The following IQUB variants were observed in gnomAD, a reference collection of about 807,000 sequenced individuals.
IQUB encodes IQ motif and ubiquitin-like domain-containing protein.
IQUB carries 86 observed loss-of-function variants against 86.4 expected under a neutral mutation model. That is an observed-to-expected ratio of 1.00 (90% CI 0.84 to 1.19). The LOEUF (loss-of-function observed/expected upper bound fraction) is 1.19. Among genes scored for constraint, IQUB ranks in the 50% most tolerant of loss-of-function variants. The pLI, the probability that IQUB is intolerant of heterozygous loss-of-function variation, is 0.00. For missense variants in IQUB, 946 were observed against 916.9 expected, an observed-to-expected ratio of 1.03 and a Z score of -0.41; for synonymous variants, 289 against 304.5, an observed-to-expected ratio of 0.95 and a Z score of 0.53.
At chr7:123,477,689 C>T (rs1487251425) in intron 8 of IQUB, among the ~76,000 whole-genome samples, 3 of 151,514 alleles carry the variant, frequency 2.0e-5, no homozygotes, top group Admixed American at 6.6e-5. Flanking sequence ...TGCAATCTAC[C>T]CATCTGACAA....
At chr7:123,509,426 C>T (rs1305599729) in intron 3 of IQUB, among the ~76,000 whole-genome samples, 1 of 152,122 alleles carries the variant, frequency 6.6e-6, no homozygotes, top group Non-Finnish European at 1.5e-5. Flanking sequence ...ATCTCATCTC[C>T]TCCCGCTACC....
chr7:123,500,578 G>C (rs529182870), intron 6 of IQUB, among the ~76,000 whole-genome samples: 7 of 151,938 alleles, frequency 4.6e-5, no homozygotes, highest in African/African-American at 1.7e-4. Context: ...CATGACCCAA[G>C]TAGAAAGGAA....
chr7:123,488,164 T>G (rs1397398027), intron 7 of IQUB, among the ~76,000 whole-genome samples: 1 of 151,544 alleles, frequency 6.6e-6, no homozygotes, highest in Admixed American at 6.6e-5. Context: ...AAACCCCGTC[T>G]CTACTAAAAA....
chr7:123,468,677 C>T (rs1365888084), intron 9 of IQUB, among the ~76,000 whole-genome samples: 4 of 152,152 alleles, frequency 2.6e-5, no homozygotes, highest in Non-Finnish European at 5.9e-5. Flanking sequence ...TCTATCCTCC[C>T]GATTCTGATT....
intron 6 of IQUB, among the ~76,000 whole-genome samples, chr7:123,500,292 C>T (rs1248703429): frequency 6.6e-6 from 1 of 151,882 alleles, no homozygotes; most frequent in South Asian, 2.1e-4. Flanking sequence ...GGGTCTGGAT[C>T]GGGACCACTT....
chr7:123,485,982 C>A (rs961165722), intron 7 of IQUB, among the ~76,000 whole-genome samples: 1 of 152,066 alleles, frequency 6.6e-6, no homozygotes, highest in South Asian at 2.1e-4. Flanking sequence ...GAAGGATATT[C>A]CAGATGACAA....
intron 9 of IQUB, among the ~76,000 whole-genome samples, chr7:123,465,357 G>T (rs1439153191): frequency 1.3e-5 from 2 of 151,850 alleles, no homozygotes; most frequent in Non-Finnish European, 2.9e-5. Context: ...GTAAAACTAT[G>T]AAGAAAAATC....
chr7:123,460,972 GTT>G (rs80160200), intron 11 of IQUB, among the ~76,000 whole-genome samples: 7 of 136,474 alleles, frequency 5.1e-5, no homozygotes, highest in Admixed American at 7.4e-5. Context: ...TTTCCCTAAG[GTT>G]TTTTTTTTTT....
chr7:123,505,616 G>A (rs1332715154), intron 3 of IQUB, among the ~76,000 whole-genome samples: 1 of 152,212 alleles, frequency 6.6e-6, no homozygotes, highest in African/African-American at 2.4e-5. Flanking sequence ...GCCAGAGCAG[G>A]AGCTGGAGTA....
chr7:123,488,021 A>G (rs1403712981), intron 7 of IQUB, among the ~76,000 whole-genome samples: 2 of 152,158 alleles, frequency 1.3e-5, no homozygotes, highest in Non-Finnish European at 2.9e-5. Flanking sequence ...AATTTCTATT[A>G]TTAAACACGT....
At chr7:123,513,784 G>A (rs1796530894) in intron 1 of IQUB, among the ~76,000 whole-genome samples, 2 of 152,238 alleles carry the variant, frequency 1.3e-5, no homozygotes, top group East Asian at 3.9e-4. Flanking sequence ...GAGTCACTGG[G>A]TCTACAGGTA....
intron 8 of IQUB, among the ~76,000 whole-genome samples, chr7:123,470,896 G>T (rs1360710579): frequency 6.6e-6 from 1 of 151,570 alleles, no homozygotes; most frequent in East Asian, 1.9e-4. Context: ...GTATCAGGAG[G>T]GAATTTTAGT....
At chr7:123,517,061 G>A (rs1267363299) in intron 1 of IQUB, among the ~76,000 whole-genome samples, 2 of 152,090 alleles carry the variant, frequency 1.3e-5, no homozygotes, top group African/African-American at 4.8e-5. Flanking sequence ...GAACAATGTG[G>A]AATGCCCAAT....
chr7:123,458,682 A>C (rs949984239), intron 11 of IQUB, among the ~76,000 whole-genome samples: 2 of 152,032 alleles, frequency 1.3e-5, no homozygotes, highest in Non-Finnish European at 2.9e-5. Context: ...TGTATCATAC[A>C]GAATAACGTG....
At chr7:123,458,969 A>G (rs1376915820) in intron 11 of IQUB, among the ~76,000 whole-genome samples, 1 of 151,996 alleles carries the variant, frequency 6.6e-6, no homozygotes, top group African/African-American at 2.4e-5. Flanking sequence ...ACATATGCTA[A>G]TCTTTGCTGT....
rs1216856851 is a variant in IQUB, at chr7:123,496,807, G to A, written c.1123C>T (p.Gln375Ter). The A allele has an allele frequency of 5.6e-6, 9 of 1,611,808 alleles. No individual in the cohort carries two copies. Among genetic ancestry groups the A allele is most frequent in the African/African-American group, 1.3e-5 (1 of 74,802 alleles). Residue 375 changes from glutamine (Q) to a stop codon, truncating the protein, a stop_gained, in exon 7 of 13, where the codon CAA becomes TAA. Transcript: ENST00000324698. LOFTEE classifies it high-confidence loss of function. ...KSLRLEWETQ[Q>*]ELRKIREKEE... The stretch of plus-strand genomic sequence containing the variant: ...TTTTCTCTTATCTTCCTTAGTTCTT[G>A]CTGTGTTTCCCATTCCAGTCTTAAG...
chr7:123,529,368 T>C (rs1261667567), intron 1 of IQUB, among the ~76,000 whole-genome samples: 1 of 151,946 alleles, frequency 6.6e-6, no homozygotes, highest in Admixed American at 6.6e-5. Flanking sequence ...TTATGTAAAA[T>C]ACGATTCTGC....
intron 1 of IQUB, among the ~76,000 whole-genome samples, chr7:123,513,684 T>C (rs930300678): frequency 5.3e-5 from 8 of 152,348 alleles, no homozygotes; most frequent in Middle Eastern, 3.4e-3. Context: ...AGTATTGCTC[T>C]GTCGCCCAGG....
chr7:123,509,026 A>T (rs191469076), intron 3 of IQUB, among the ~76,000 whole-genome samples: 2 of 152,292 alleles, frequency 1.3e-5, no homozygotes, highest in East Asian at 3.9e-4. Flanking sequence ...TTTAACAATC[A>T]CTTATCTGAA....
Sources: allele counts gnomAD v4.1 joint callset (sites outside exome capture counted in the v4.1 genomes callset), GRCh38; gene constraint gnomAD v4.1.1; transcripts MANE v1.5; gene names NCBI Gene and HGNC (gene_info 2026-07-23, HGNC 2026-07-21).